The following EML4 variants were observed in gnomAD, a reference collection of about 807,000 sequenced individuals.
The protein encoded by EML4 is EMAP like 4.
Under a neutral mutation model 129.0 loss-of-function variants are expected in EML4, and 72 were observed. That is an observed-to-expected ratio of 0.56 (90% CI 0.46 to 0.68). EML4 has a LOEUF of 0.68. EML4 is among the 30% of genes least tolerant of loss of function. EML4 has a pLI of 0.00. For missense variants in EML4, 1,363 were observed against 1,190.6 expected (o/e 1.14, Z -2.13); for synonymous variants, 532 against 405.0 (o/e 1.31, Z -3.77).
intron 2 of EML4, 100 bp downstream of exon 2, chr2:42,245,787 T>G (rs1675366399): frequency 9.0e-7 from 1 of 1,115,054 alleles, no homozygotes; most frequent in Non-Finnish European, 1.2e-6. Context: ...GTGGATTACT[T>G]GTGATTATAG....
In EML4 at chr2:42,282,878, A is replaced by G. The variant is rs6736913; in HGVS notation, c.847A>G (p.Lys283Glu). Residue 283 changes from lysine to glutamate, a missense_variant, in exon 8 of 23, where the codon AAA (lysine) becomes GAA (glutamate). Coordinates refer to ENST00000318522, the MANE Select transcript of EML4 (RefSeq NM_019063.5). ...TAATGTTTACCTTCTTCCGACCGGGAAAATAGTTTATTTCATTGCATCAGT... is the reference window on the plus strand; with the variant it reads ...TAATGTTTACCTTCTTCCGACCGGGGAAATAGTTTATTTCATTGCATCAGT... ...RANVYLLPTG[K>E]IVYFIASVVV... 0.98 allele frequency: 1,588,176 copies of G among 1,612,964 alleles called. 781,947 individuals carry two copies. Among genetic ancestry groups the G allele is most frequent in the East Asian group, 1 (44,857 of 44,858 alleles).
intron 3 of EML4, among the ~76,000 whole-genome samples, chr2:42,259,272 G>A (rs200034540): frequency 6.6e-6 from 1 of 151,318 alleles, no homozygotes; most frequent in African/African-American, 2.4e-5. Flanking sequence ...GGAGGGGGGC[G>A]GCAGAGAAAA....
Position 42,295,129 on chromosome 2 carries a change from C to T in EML4, c.1223C>T (p.Thr408Ile). The change falls in exon 12 of 23, where the codon ACA (threonine) becomes ATA (isoleucine). Residue 408 changes from threonine (T) to isoleucine (I), a missense_variant. Thr to Ile is a moderately conservative substitution (Grantham distance 89). Coordinates refer to ENST00000318522, the MANE Select transcript of EML4 (RefSeq NM_019063.5). ...GCTTTATTTCCCTTTTCATAGACAA[C>T]AAATGAAGTTGTTTTGGCTGTGGAG... ...KKAKGAEIKT[T>I]NEVVLAVEFH... is the part of the protein sequence containing the mutation. The T allele has an allele frequency of 6.2e-7, 1 of 1,607,474 alleles. No homozygotes were observed. Among genetic ancestry groups the T allele is most frequent in the Non-Finnish European group, 8.5e-7 (1 of 1,178,100 alleles).
At chr2:42,266,984 A>G (rs1302387593) in intron 6 of EML4, among the ~76,000 whole-genome samples, 1 of 152,212 alleles carries the variant, frequency 6.6e-6, no homozygotes, top group African/African-American at 2.4e-5. Context: ...AACTTAACCT[A>G]CATGTAGAGA....
chr2:42,206,188 C>T (rs114594704), intron 1 of EML4, among the ~76,000 whole-genome samples: 1,554 of 152,218 alleles, frequency 0.01, 30 homozygotes, highest in African/African-American at 0.034. Flanking sequence ...AATCCAGAAT[C>T]AGGCATTACA....
At chr2:42,312,724 T>G (rs969504092) in intron 17 of EML4, among the ~76,000 whole-genome samples, 2 of 151,058 alleles carry the variant, frequency 1.3e-5, no homozygotes, top group African/African-American at 2.4e-5. Flanking sequence ...TGGCTAATTT[T>G]TTGTATTTTT....
intron 19 of EML4, among the ~76,000 whole-genome samples, chr2:42,318,365 T>C (rs1349321790): frequency 6.6e-6 from 1 of 152,190 alleles, no homozygotes; most frequent in Non-Finnish European, 1.5e-5. Flanking sequence ...GTCTGAAATT[T>C]ATTTTGCTTA....
At position 42,217,025 on chromosome 2, in the gene EML4, G is replaced by A. The variant is rs1673235749; in HGVS notation, c.26-28480G>A. Among the ~76,000 whole-genome samples the A allele has an allele frequency of 3.3e-5, 5 of 152,154 alleles. No individual in the cohort carries two copies. In the South Asian group the frequency reaches 1.0e-3, roughly 32 times the overall value. The stretch of plus-strand genomic sequence containing the variant: ...GAAAAAAAATATACAGTTTTCAACT[G>A]TAATAAAACATTTTTGTTAAGTAAA... On this transcript the variant is annotated intron_variant, in intron 1 of 22. Coordinates refer to ENST00000318522, the MANE Select transcript of EML4 (RefSeq NM_019063.5).
chr2:42,297,584 C>G (rs887338920), intron 13 of EML4, among the ~76,000 whole-genome samples: 1 of 152,204 alleles, frequency 6.6e-6, no homozygotes, highest in Non-Finnish European at 1.5e-5. Context: ...TTGAGGTTTT[C>G]AATTGGCTGG....
At chr2:42,226,001 C>G (rs1438231064) in intron 1 of EML4, among the ~76,000 whole-genome samples, 1 of 151,818 alleles carries the variant, frequency 6.6e-6, no homozygotes, top group East Asian at 1.9e-4. Flanking sequence ...GGAAATAATG[C>G]TACCCAAATT....
chr2:42,256,323 C>T (rs911036131), intron 2 of EML4, among the ~76,000 whole-genome samples, 178 bp from the exon 3 acceptor site: 2 of 152,138 alleles, frequency 1.3e-5, no homozygotes, highest in Non-Finnish European at 2.9e-5. Flanking sequence ...GGGATTAAGT[C>T]TTGAGACAGT....
chr2:42,287,263 C>T (rs61161777), intron 10 of EML4, among the ~76,000 whole-genome samples: 16,311 of 151,978 alleles, frequency 0.11, 928 homozygotes, highest in Middle Eastern at 0.22. Context: ...TGTCAAGGGT[C>T]CAACAAGTCA....
chr2:42,312,358 T>A (rs1669007642), intron 17 of EML4, among the ~76,000 whole-genome samples: 2 of 152,122 alleles, frequency 1.3e-5, no homozygotes, highest in Non-Finnish European at 2.9e-5. Context: ...TGCCTCGTTA[T>A]AACCTCTTAG....
intron 2 of EML4, among the ~76,000 whole-genome samples, chr2:42,247,610 CTT>C (rs1038685053): frequency 1.3e-5 from 2 of 152,044 alleles, no homozygotes; most frequent in African/African-American, 4.8e-5. Flanking sequence ...TGGCAAAAGA[CTT>C]GATAAAAACC....
chr2:42,295,531 T>A lies in EML4; in HGVS notation c.1489+15T>A, dbSNP rs371521331. On this transcript the variant is annotated intron_variant, in intron 13 of 22. Transcript: ENST00000318522. ...AGGACCTAAAGGTACAGTATTCTTA[T>A]ATTAAACTCATTTCTGGTAATTCTC... is the stretch of plus-strand genomic sequence containing the variant. 6.2e-6 allele frequency: 10 copies of A among 1,604,194 alleles called. No homozygotes were observed. The highest frequency in any genetic ancestry group is 7.6e-6 in the Non-Finnish European group (9 of 1,176,868).
chr2:42,232,073 G>A (rs1231094962), intron 1 of EML4, among the ~76,000 whole-genome samples: 1 of 151,974 alleles, frequency 6.6e-6, no homozygotes, highest in Admixed American at 6.6e-5. Flanking sequence ...TGGATGAATA[G>A]GAGTTTTGAA....
rs779031814 is a variant in EML4 at position 42,317,534 on chromosome 2, G to A, written c.2154+10G>A. The A allele has an allele frequency of 2.1e-5, 33 of 1,554,474 alleles. No homozygotes were observed. The highest frequency in any genetic ancestry group is 2.9e-5 in the Non-Finnish European group (33 of 1,141,380). On this transcript the variant is annotated intron_variant, in intron 19 of 22. Coordinates refer to ENST00000318522, the MANE Select transcript of EML4 (RefSeq NM_019063.5). ...ATATGGAAGGTGCACTGTAAGTAGT[G>A]AAGTAGAACAAGTTGTAAAATTATT...
At chr2:42,179,382 GA>G (rs1357551152) in intron 1 of EML4, among the ~76,000 whole-genome samples, 1 of 151,866 alleles carries the variant, frequency 6.6e-6, no homozygotes, top group Non-Finnish European at 1.5e-5. Flanking sequence ...ATCTTGTATA[GA>G]GGGGAAAATA....
In EML4 at chr2:42,329,743, C is replaced by T. The variant is rs1669998182; in HGVS notation, c.2482C>T (p.His828Tyr). The change falls in exon 23 of 23, where the codon CAC (histidine) becomes TAC (tyrosine). Residue 828 changes from histidine to tyrosine, a missense_variant. Physicochemically the swap from His to Tyr is moderately conservative, Grantham distance 83. Transcript: ENST00000318522. ...YPCSKAKAPS[H>Y]KYSAHSSHVT... ...GATTTATTTCATATAGGCTCCCAGT[C>T]ACAAGTACAGTGCCCACAGCAGCCA... 6.2e-7 allele frequency: 1 copy of T among 1,613,324 alleles called. No individual in the cohort carries two copies. Among genetic ancestry groups the T allele is most frequent in the East Asian group, 2.2e-5 (1 of 44,878 alleles).
Sources: allele counts gnomAD v4.1 joint callset (sites outside exome capture counted in the v4.1 genomes callset), GRCh38; gene constraint gnomAD v4.1.1; transcripts MANE v1.5; gene names NCBI Gene and HGNC (gene_info 2026-07-23, HGNC 2026-07-21).